Variants in ATRNL1 observed in about 807,000 individuals in gnomAD.
ATRNL1 encodes the protein attractin-like protein 1.
In ATRNL1, 95 loss-of-function variants were observed where a neutral mutation model predicts 182.7. The observed-to-expected ratio is 0.52, with a 90% CI of 0.44 to 0.62. ATRNL1 has a LOEUF of 0.62. ATRNL1 is among the 20% of genes least tolerant of loss of function. ATRNL1 has a pLI of 0.00. For missense variants in ATRNL1, 1,471 were observed against 1,679.5 expected, an observed-to-expected ratio of 0.88 and a Z score of 2.17; for synonymous variants, 576 against 568.3, an observed-to-expected ratio of 1.01 and a Z score of -0.19.
chr10:115,316,318 A>G (rs1253510863), intron 18 of ATRNL1, among the ~76,000 whole-genome samples: 1 of 152,158 alleles, frequency 6.6e-6, no homozygotes, highest in African/African-American at 2.4e-5. Context: ...GCAGTATTCC[A>G]TGGTGTATAC....
chr10:115,621,256 T>TATATAC (rs1555022662), intron 26 of ATRNL1, among the ~76,000 whole-genome samples: 2 of 31,430 alleles, frequency 6.4e-5, no homozygotes, highest in South Asian at 1.4e-3. Context: ...GAGCTCTGAA[T>TATATAC]ATATATATAT....
intron 10 of ATRNL1, among the ~76,000 whole-genome samples, chr10:115,262,067 T>C (rs1851415176): frequency 6.6e-6 from 1 of 151,790 alleles, no homozygotes; most frequent in Non-Finnish European, 1.5e-5. Flanking sequence ...CAGATGAAAA[T>C]ACAAGAAACA....
chr10:115,427,344 C>T (rs955216060), intron 21 of ATRNL1, among the ~76,000 whole-genome samples: 6 of 152,160 alleles, frequency 3.9e-5, no homozygotes, highest in Non-Finnish European at 2.9e-5. Context: ...TTTCCACATA[C>T]TTCATTCTAG....
intron 5 of ATRNL1, among the ~76,000 whole-genome samples, chr10:115,131,923 T>A (rs956096417): frequency 1.6e-4 from 24 of 152,146 alleles, no homozygotes; most frequent in African/African-American, 5.6e-4. Context: ...GTCCTTTTTT[T>A]ATTTTTATTT....
At chr10:115,215,923 T>C (rs1306942411) in intron 9 of ATRNL1, 43 bp downstream of exon 9, 10 of 1,364,720 alleles carry the variant, frequency 7.3e-6, no homozygotes, top group African/African-American at 1.5e-5. Context: ...GCCATTATTA[T>C]TGTAAATGAT....
intron 26 of ATRNL1, among the ~76,000 whole-genome samples, chr10:115,601,513 TTCAGTTTTG>T (rs1401952369): frequency 9.2e-5 from 14 of 152,188 alleles, no homozygotes; most frequent in African/African-American, 3.4e-4. Context: ...TATTGCTCCT[TTCAGTTTTG>T]TCAGTTTTGC....
At chr10:115,688,929 G>T (rs1479540654) in intron 26 of ATRNL1, among the ~76,000 whole-genome samples, 1 of 151,842 alleles carries the variant, frequency 6.6e-6, no homozygotes, top group African/African-American at 2.4e-5. Flanking sequence ...TTATAGTTTT[G>T]GGTCTTAATT....
chr10:115,695,042 A>G (rs572728523), intron 26 of ATRNL1, among the ~76,000 whole-genome samples: 2 of 152,118 alleles, frequency 1.3e-5, no homozygotes, highest in African/African-American at 2.4e-5. Context: ...AATATTTCCT[A>G]AATACCAAAG....
At chr10:115,117,608 T>G (rs1413485378) in intron 1 of ATRNL1, among the ~76,000 whole-genome samples, 1 of 152,156 alleles carries the variant, frequency 6.6e-6, no homozygotes, top group African/African-American at 2.4e-5. Flanking sequence ...CATCTGTTGA[T>G]GGACACGTAG....
intron 13 of ATRNL1, among the ~76,000 whole-genome samples, chr10:115,275,171 T>C (rs553043554): frequency 6.6e-6 from 1 of 152,298 alleles, no homozygotes; most frequent in East Asian, 1.9e-4. Flanking sequence ...GTGTGAGTTT[T>C]CTTTCAGCTG....
intron 9 of ATRNL1, among the ~76,000 whole-genome samples, chr10:115,223,206 G>A (rs1262005798): frequency 3.9e-5 from 6 of 152,248 alleles, no homozygotes; most frequent in Admixed American, 2.0e-4. Flanking sequence ...ACTTGTACCC[G>A]GGAGGCAGAG....
chr10:115,738,126 A>ATTTTTTTTTTTTTTTTTTTTTTTT lies in ATRNL1; in HGVS notation c.3903+10778_3903+10801dup, dbSNP rs10546896. On this transcript the variant is annotated intron_variant, in intron 27 of 28. Transcript: ENST00000355044. Reference sequence around the variant, plus strand: ...ATAAAAAATGATTTAGAAGATAATGATTTTTTTTTTTTTTTTTTTTTTTTT... The same window carrying ATTTTTTTTTTTTTTTTTTTTTTTT: ...ATAAAAAATGATTTAGAAGATAATGATTTTTTTTTTTTTTTTTTTTTTTTTTTTTTTTTTTTTTTTTTTTTTTTT... 3.0e-4 allele frequency among the ~76,000 whole-genome samples: 14 copies of ATTTTTTTTTTTTTTTTTTTTTTTT among 47,112 alleles called. 2 individuals are homozygous for ATTTTTTTTTTTTTTTTTTTTTTTT. The highest frequency in any genetic ancestry group is 3.9e-4 in the Admixed American group (1 of 2,574). The allele number at this position is 47,112 out of a possible 152,430, so 30.9% of individuals were successfully genotyped here.
At chr10:115,314,866 T>C (rs1356889298) in intron 17 of ATRNL1, among the ~76,000 whole-genome samples, 1 of 151,700 alleles carries the variant, frequency 6.6e-6, no homozygotes, top group Non-Finnish European at 1.5e-5. Context: ...AGTCATGGAG[T>C]GTTATTTTAT....
At chr10:115,349,019 A>G (rs1247983121) in intron 19 of ATRNL1, among the ~76,000 whole-genome samples, 2 of 152,208 alleles carry the variant, frequency 1.3e-5, no homozygotes, top group African/African-American at 4.8e-5. Context: ...ATTTTAAACT[A>G]TAGTCACTTT....
At chr10:115,267,459 A>G (rs959481860) in intron 12 of ATRNL1, among the ~76,000 whole-genome samples, 9 of 151,860 alleles carry the variant, frequency 5.9e-5, no homozygotes, top group Non-Finnish European at 1.5e-5. Context: ...TATATTTCTT[A>G]TAAAATGGTG....
intron 26 of ATRNL1, among the ~76,000 whole-genome samples, chr10:115,647,542 T>G (rs1355512265): frequency 5.9e-5 from 9 of 151,990 alleles, no homozygotes; most frequent in East Asian, 5.8e-4. Context: ...GCATTTCTCT[T>G]ATGGCCAGCG....
chr10:115,334,381 G>C lies in ATRNL1; in HGVS notation c.3137G>C (p.Gly1046Ala). The change falls in exon 19 of 29, where the codon GGT (glycine) becomes GCT (alanine). Residue 1046 changes from glycine (G) to alanine (A), a missense_variant. Gly to Ala is a moderately conservative substitution (Grantham distance 60). This residue lies in a region of ATRNL1 where 437 missense variants were observed against 506.0 expected (regional missense o/e 0.86). Coordinates refer to ENST00000355044, the MANE Select transcript of ATRNL1 (RefSeq NM_207303.4). Reference sequence around the variant, plus strand: ...AAGCAGTGTCAAGATTGTATGCCAGGTTATTATGGAGATCCAACCAATGGT... The same window carrying C: ...AAGCAGTGTCAAGATTGTATGCCAGCTTATTATGGAGATCCAACCAATGGT... ...TGKQCQDCMP[G>A]YYGDPTNGGQ... is the part of the protein sequence containing the mutation. 6.2e-7 allele frequency: 1 copy of C among 1,604,710 alleles called. No individual in the cohort carries two copies. Among genetic ancestry groups the C allele is most frequent in the South Asian group, 1.1e-5 (1 of 89,974 alleles).
chr10:115,647,421 G>T (rs1565246211), intron 26 of ATRNL1, among the ~76,000 whole-genome samples: 1 of 152,168 alleles, frequency 6.6e-6, no homozygotes, highest in Non-Finnish European at 1.5e-5. Flanking sequence ...CACCAACAGT[G>T]TAAAAGCGTT....
intron 10 of ATRNL1, among the ~76,000 whole-genome samples, chr10:115,247,432 C>T (rs890836408): frequency 6.6e-6 from 1 of 152,126 alleles, no homozygotes; most frequent in Non-Finnish European, 1.5e-5. Flanking sequence ...ACAACATGTT[C>T]AACATCAGTA....
Sources: allele counts gnomAD v4.1 joint callset (sites outside exome capture counted in the v4.1 genomes callset), GRCh38; gene constraint gnomAD v4.1.1; regional missense constraint gnomAD v4.1.1; transcripts MANE v1.5; gene names NCBI Gene and HGNC (gene_info 2026-07-23, HGNC 2026-07-21).